BRD7: variants seen among roughly 807,000 people sequenced by gnomAD.
BRD7 encodes bromodomain containing 7, also known as bromodomain-containing protein 7.
Under a neutral mutation model 82.1 loss-of-function variants are expected in BRD7, and 15 were observed. The observed-to-expected ratio is 0.18, with a 90% CI of 0.12 to 0.28. The LOEUF (loss-of-function observed/expected upper bound fraction) is 0.28. Ranked by LOEUF, BRD7 falls within the 10% of genes least tolerant of loss-of-function variation. BRD7 has a pLI of 1.00. For missense variants in BRD7, 638 were observed against 779.9 expected (o/e 0.82, Z 2.17); for synonymous variants, 232 against 266.9 (o/e 0.87, Z 1.27).
rs959101266 is a variant in BRD7, at chr16:50,317,545, C to CAAAT, written c.*1662_*1665dup. Reference sequence around the variant, plus strand: ...ACAGAAACCCCAGTTGGGAGTTTAACAAATAACTGACTACCACTCACTCAT... The same window carrying CAAAT: ...ACAGAAACCCCAGTTGGGAGTTTAACAAATAAATAACTGACTACCACTCACTCAT... On this transcript the variant is annotated 3_prime_UTR_variant, in exon 17 of 17. Coordinates refer to ENST00000394688, the MANE Select transcript of BRD7 (RefSeq NM_013263.5). The CAAAT allele has an allele frequency of 2.0e-5, 3 of 152,300 alleles. No individual in the cohort carries two copies. The highest frequency in any genetic ancestry group is 7.2e-5 in the African/African-American group (3 of 41,418). 9.4% of individuals were successfully genotyped at this position (152,300 alleles called of 1,614,324 possible). A position where few individuals can be genotyped will look rare whatever the true frequency, so the allele number is the denominator to read the frequency against.
At chr16:50,333,756 T>C in intron 7 of BRD7, 59 bp from the exon 8 acceptor site, 1 of 1,328,990 alleles carries the variant, frequency 7.5e-7, no homozygotes, top group Non-Finnish European at 1.1e-6. Context: ...GATGAAAACA[T>C]TCAAATGAAT....
intron 6 of BRD7, 136 bp from the exon 7 acceptor site, chr16:50,335,031 AAG>A: frequency 2.3e-6 from 2 of 857,496 alleles, no homozygotes; most frequent in Non-Finnish European, 3.5e-6. Context: ...ATCATATACC[AAG>A]AGAGTATTGT....
At chr16:50,337,392 C>G (rs1417734033) in intron 6 of BRD7, among the ~76,000 whole-genome samples, 2 of 151,328 alleles carry the variant, frequency 1.3e-5, no homozygotes, top group African/African-American at 4.9e-5. Flanking sequence ...TCCTGAGTAG[C>G]TGGAATTACA....
At chr16:50,319,533 C>T (rs1479410553) in intron 16 of BRD7, among the ~76,000 whole-genome samples, 1 of 151,844 alleles carries the variant, frequency 6.6e-6, no homozygotes. Context: ...TACAGTTGAC[C>T]CTTCTTATCC....
At chr16:50,365,801 A>C (rs2151216098) in intron 2 of BRD7, among the ~76,000 whole-genome samples, 1 of 152,260 alleles carries the variant, frequency 6.6e-6, no homozygotes, top group South Asian at 2.1e-4. Context: ...AAATATGAGA[A>C]AAACATAAGA....
intron 5 of BRD7, among the ~76,000 whole-genome samples, chr16:50,342,964 T>A (rs2038131354): frequency 6.6e-6 from 1 of 152,156 alleles, no homozygotes; most frequent in Non-Finnish European, 1.5e-5. Flanking sequence ...AAAAACCTCA[T>A]CTATAATAGG....
intron 2 of BRD7, among the ~76,000 whole-genome samples, chr16:50,358,700 C>A (rs2038834138): frequency 1.3e-5 from 2 of 152,026 alleles, no homozygotes; most frequent in African/African-American, 2.4e-5. Flanking sequence ...TCTGAACTAC[C>A]CCTACCTAGT....
chr16:50,327,694 A>C (rs1421978482), intron 9 of BRD7, among the ~76,000 whole-genome samples: 4 of 152,030 alleles, frequency 2.6e-5, no homozygotes, highest in African/African-American at 9.7e-5. Context: ...ACCCCCAAAC[A>C]CTAGGTTGGT....
chr16:50,326,909 C>G (rs573484810), intron 9 of BRD7, among the ~76,000 whole-genome samples: 1 of 152,134 alleles, frequency 6.6e-6, no homozygotes, highest in African/African-American at 2.4e-5. Context: ...AGAAATGTCA[C>G]GTATGGGCAC....
intron 2 of BRD7, among the ~76,000 whole-genome samples, chr16:50,364,322 A>T (rs935289553): frequency 6.6e-6 from 1 of 151,804 alleles, no homozygotes; most frequent in Non-Finnish European, 1.5e-5. Flanking sequence ...TATTCCTAAA[A>T]CTCCCTGGAC....
chr16:50,351,708 G>A (rs570045238), intron 4 of BRD7, among the ~76,000 whole-genome samples: 55 of 152,260 alleles, frequency 3.6e-4, no homozygotes, highest in African/African-American at 1.3e-3. Flanking sequence ...TTCCTGAAGT[G>A]TTTTTTCATT....
Position 50,368,313 on chromosome 16 carries a change from A to T in BRD7, c.50-15T>A. On this transcript the variant is annotated splice_polypyrimidine_tract_variant and intron_variant, in intron 1 of 16. Transcript: ENST00000394688. ...CTCTACATACTCTTAAAAAAAGAAA[A>T]GAAAAGAAAGGAAAGCGCGTCGATT... 6.2e-7 allele frequency: 1 copy of T among 1,609,972 alleles called. No homozygotes were observed. The highest frequency in any genetic ancestry group is 8.5e-7 in the Non-Finnish European group (1 of 1,178,596).
At chr16:50,367,409 A>T (rs1289377793) in intron 2 of BRD7, among the ~76,000 whole-genome samples, 2 of 152,276 alleles carry the variant, frequency 1.3e-5, no homozygotes, top group Non-Finnish European at 2.9e-5. Context: ...TATTTTGCAG[A>T]GGCAGGGCCT....
At chr16:50,358,101 G>A (rs760103385) in intron 2 of BRD7, among the ~76,000 whole-genome samples, 3 of 152,200 alleles carry the variant, frequency 2.0e-5, no homozygotes, top group Non-Finnish European at 4.4e-5. Flanking sequence ...TATAGTATGT[G>A]TTGTAGTATG....
rs575292483 is a variant in BRD7, at chr16:50,318,195, TCAAA to T, written c.*1012_*1015del. 19 of 152,250 alleles carry T rather than the reference TCAAA, an allele frequency of 1.2e-4. No individual in the cohort carries two copies. Among genetic ancestry groups the T allele is most frequent in the Admixed American group, 2.6e-4 (4 of 15,282 alleles). 9.4% of individuals were successfully genotyped at this position (152,250 alleles called of 1,614,324 possible). A position where few individuals can be genotyped will look rare whatever the true frequency, so the allele number is the denominator to read the frequency against. On this transcript the variant is annotated 3_prime_UTR_variant, in exon 17 of 17. Transcript: ENST00000394688. ...AACTCACTAGAGATTAAAAGTAGAC[TCAAA>T]CAACTTGAAAATTTGACTCTTTTAG...
At chr16:50,356,399 A>T (rs1852648826) in intron 2 of BRD7, among the ~76,000 whole-genome samples, 1 of 152,232 alleles carries the variant, frequency 6.6e-6, no homozygotes, top group African/African-American at 2.4e-5. Flanking sequence ...ATGCCTATTA[A>T]AAGGAAAATA....
In BRD7 at chr16:50,368,380, C is replaced by A; in HGVS notation, c.50-82G>T. Reference sequence around the variant, plus strand: ...AGGGAGTGCTAAGGATGCAGAGCGCCAAGGCGCAGCAAGCCCGAGGCGGCT... The same window carrying A: ...AGGGAGTGCTAAGGATGCAGAGCGCAAAGGCGCAGCAAGCCCGAGGCGGCT... On this transcript the variant is annotated intron_variant, in intron 1 of 16. Coordinates refer to ENST00000394688, the MANE Select transcript of BRD7 (RefSeq NM_013263.5). 2.8e-6 allele frequency: 4 copies of A among 1,415,122 alleles called. No individual in the cohort carries two copies. In the South Asian group the frequency reaches 5.1e-5, roughly 18 times the overall value. The allele number at this position is 1,415,122 out of a possible 1,614,324, so 87.7% of individuals were successfully genotyped here.
intron 2 of BRD7, among the ~76,000 whole-genome samples, chr16:50,362,447 G>T (rs1271895404): frequency 6.6e-6 from 1 of 152,182 alleles, no homozygotes; most frequent in African/African-American, 2.4e-5. Flanking sequence ...CTATTTGTGG[G>T]TGTGTATCCA....
rs764170833 is a variant in BRD7 at position 50,368,219 on chromosome 16, C to T, written c.129G>A (p.Gly43=). 5 of 1,614,090 alleles carry T rather than the reference C, an allele frequency of 3.1e-6. No homozygotes were observed. The highest frequency in any genetic ancestry group is 1.3e-5 in the African/African-American group (1 of 74,934). Reference sequence around the variant, plus strand: ...TGTCTTCGAAGAGGCTGGAGTCGTGCCCCGAGCTGCCCGTGGAGAGTTCGG... The same window carrying T: ...TGTCTTCGAAGAGGCTGGAGTCGTGTCCCGAGCTGCCCGTGGAGAGTTCGG... ...EVTELSTGSS[G]HDSSLFEDKN... Residue 43 remains glycine, a synonymous_variant, in exon 2 of 17, where the codon GGG becomes GGA. Transcript: ENST00000394688.
Sources: allele counts gnomAD v4.1 joint callset (sites outside exome capture counted in the v4.1 genomes callset), GRCh38; gene constraint gnomAD v4.1.1; transcripts MANE v1.5; gene names NCBI Gene and HGNC (gene_info 2026-07-23, HGNC 2026-07-21).